Variants in CLYBL observed in about 807,000 individuals in gnomAD.
The protein encoded by CLYBL is citramalyl-CoA lyase, mitochondrial.
Under a neutral mutation model 38.9 loss-of-function variants are expected in CLYBL, and 31 were observed. The observed-to-expected ratio is 0.80, with a 90% CI of 0.60 to 1.08. The LOEUF is 1.08. Ranked by LOEUF, CLYBL falls within the 50% of genes least tolerant of loss-of-function variation. The probability of loss-of-function intolerance (pLI) is 0.00; values close to 1 mark genes in which losing one functional copy is unlikely to be tolerated. For synonymous variants in CLYBL, 171 were observed against 158.6 expected (o/e 1.08, Z -0.59); for missense variants, 434 against 411.6 (o/e 1.05, Z -0.47).
intron 1 of CLYBL, among the ~76,000 whole-genome samples, chr13:99,619,628 C>A (rs1488251743): frequency 6.6e-6 from 1 of 152,172 alleles, no homozygotes; most frequent in Non-Finnish European, 1.5e-5. Context: ...ACTAACTCTG[C>A]TATAGGCAGG....
At chr13:99,871,990 CAAAAAA>C (rs113487766) in intron 7 of CLYBL, among the ~76,000 whole-genome samples, 3,367 of 119,402 alleles carry the variant, frequency 0.028, 105 homozygotes, top group African/African-American at 0.08. Context: ...TTCCCCCCTG[CAAAAAA>C]AAAAAAAAAA....
At chr13:99,671,736 C>T (rs556818448) in intron 1 of CLYBL, among the ~76,000 whole-genome samples, 14 of 151,226 alleles carry the variant, frequency 9.3e-5, no homozygotes, top group South Asian at 2.1e-4. Flanking sequence ...GCCAAGATCA[C>T]GCCACTGTAC....
chr13:99,626,348 G>T (rs1218539950), intron 1 of CLYBL, among the ~76,000 whole-genome samples: 1 of 152,218 alleles, frequency 6.6e-6, no homozygotes, highest in Non-Finnish European at 1.5e-5. Flanking sequence ...GGAGGTTGAG[G>T]CCAGACTGTG....
intron 1 of CLYBL, among the ~76,000 whole-genome samples, chr13:99,764,117 G>A (rs60823434): frequency 2.3e-4 from 32 of 138,712 alleles, no homozygotes; most frequent in Non-Finnish European, 3.5e-4. Flanking sequence ...GTCACAGCTC[G>A]GTGCAGTCAC....
At chr13:99,893,354 T>C (rs575455544), downstream of CLYBL, 1 of 152,410 alleles carries the variant, frequency 6.6e-6, no homozygotes, top group East Asian at 1.9e-4. Flanking sequence ...GCACACCAGG[T>C]AACCCAGGAC....
rs113045016 is a variant in CLYBL at position 99,637,329 on chromosome 13, A to G, written c.62+30572A>G. ...TGTTGAAAATTCTCCATGAAAACCC[A>G]TCTCTGGAGGTGTATCAATCAGTGT... On this transcript the variant is annotated intron_variant, in intron 1 of 8. Transcript: ENST00000339105. Among the ~76,000 whole-genome samples, 530 of 152,294 alleles carry G rather than the reference A, an allele frequency of 3.5e-3. 5 individuals carry two copies. Among genetic ancestry groups the G allele is most frequent in the African/African-American group, 0.011 (476 of 41,562 alleles).
intron 1 of CLYBL, among the ~76,000 whole-genome samples, chr13:99,662,581 T>C (rs1594107315): frequency 2.4e-5 from 2 of 83,688 alleles, no homozygotes; most frequent in South Asian, 6.4e-4. Context: ...AGAGGAACCC[T>C]TTTTTTTTAT....
At chr13:99,696,509 C>T (rs948679328) in intron 1 of CLYBL, among the ~76,000 whole-genome samples, 1 of 152,094 alleles carries the variant, frequency 6.6e-6, no homozygotes, top group Non-Finnish European at 1.5e-5. Flanking sequence ...AGCCACTGCA[C>T]GTGTCCTGTA....
At chr13:99,788,748 A>G (rs1024542333) in intron 2 of CLYBL, among the ~76,000 whole-genome samples, 4 of 152,092 alleles carry the variant, frequency 2.6e-5, no homozygotes, top group African/African-American at 4.8e-5. Context: ...CTCTTTTTCT[A>G]TTGATTGGAA....
Position 99,652,309 on chromosome 13 carries a change from T to G in CLYBL, c.62+45552T>G, listed in dbSNP as rs553392161. Among the ~76,000 whole-genome samples, 24 of 152,334 alleles carry G rather than the reference T, an allele frequency of 1.6e-4. No homozygotes were observed. The South Asian group carries it at 4.8e-3, about 30-fold the overall frequency. On this transcript the variant is annotated intron_variant, in intron 1 of 8. Coordinates refer to ENST00000339105, the MANE Select transcript of CLYBL (RefSeq NM_206808.5). ...TTTGGGATAGTCAACAGCCAGTGAC[T>G]GTTCACCACAGGACTAAACCTTCCA...
chr13:99,606,956 C>T (rs912659), intron 1 of CLYBL, among the ~76,000 whole-genome samples, 199 bp downstream of exon 1: 118,466 of 152,098 alleles, frequency 0.78, 46,793 homozygotes, highest in East Asian at 0.93. Flanking sequence ...GGAGGGCCCT[C>T]GTTGCACCCG....
chr13:99,769,538 A>G (rs1033014269), intron 1 of CLYBL, among the ~76,000 whole-genome samples: 5 of 152,240 alleles, frequency 3.3e-5, no homozygotes, highest in African/African-American at 1.2e-4. Context: ...AGTGTGAATG[A>G]TAAGTAAAAT....
chr13:99,757,545 TC>T (rs1227823140), intron 1 of CLYBL, among the ~76,000 whole-genome samples: 1 of 152,196 alleles, frequency 6.6e-6, no homozygotes, highest in African/African-American at 2.4e-5. Context: ...AACTTCCGCC[TC>T]TTGGGTTCAA....
intron 1 of CLYBL, among the ~76,000 whole-genome samples, chr13:99,748,186 C>T (rs1233633449): frequency 8.5e-5 from 13 of 152,106 alleles, no homozygotes; most frequent in Admixed American, 4.6e-4. Flanking sequence ...TCGAGACCAG[C>T]GTGGCCAACA....
intron 8 of CLYBL, 52 bp downstream of exon 8, chr13:99,891,489 A>G (rs1158743998): frequency 9.8e-7 from 1 of 1,023,026 alleles, no homozygotes; most frequent in Non-Finnish European, 1.5e-6. Flanking sequence ...CAATACTCAA[A>G]GCAACTTGTT....
chr13:99,808,446 C>T (rs369808966), intron 2 of CLYBL, among the ~76,000 whole-genome samples: 3 of 151,760 alleles, frequency 2.0e-5, no homozygotes, highest in East Asian at 3.9e-4. Context: ...GATATCTGGC[C>T]CATAAGCAAC....
chr13:99,675,028 T>C (rs1311654428), intron 1 of CLYBL, among the ~76,000 whole-genome samples: 1 of 152,106 alleles, frequency 6.6e-6, no homozygotes, highest in East Asian at 1.9e-4. Flanking sequence ...CTGGGCAACA[T>C]AGCCAGACCA....
rs1038680500 is a variant in CLYBL, at chr13:99,865,023, C to T, written c.634+112C>T. On this transcript the variant is annotated intron_variant, in intron 5 of 8. Transcript: ENST00000339105. The surrounding 1 kb of genome is among the most constrained non-coding windows in gnomAD (Gnocchi z 4.7). ...CATTTACATAACAATGTATATTTGC[C>T]AACCATGACAATGGTTTTTCATGAC... The T allele has an allele frequency of 1.3e-6, 1 of 796,624 alleles. No homozygotes were observed. Among genetic ancestry groups the T allele is most frequent in the South Asian group, 1.4e-5 (1 of 71,310 alleles). The allele number at this position is 796,624 out of a possible 1,614,324, so 49.3% of individuals were successfully genotyped here. A position where few individuals can be genotyped will look rare whatever the true frequency, so the allele number is the denominator to read the frequency against.
chr13:99,800,891 C>CAAA (rs1326548125), intron 2 of CLYBL, among the ~76,000 whole-genome samples: 1 of 123,016 alleles, frequency 8.1e-6, no homozygotes, highest in African/African-American at 3.3e-5. Flanking sequence ...AAAACAACAA[C>CAAA]AACAAAAAAA....
Sources: allele counts gnomAD v4.1 joint callset (sites outside exome capture counted in the v4.1 genomes callset), GRCh38; gene constraint gnomAD v4.1.1; non-coding constraint Gnocchi (gnomAD v3.1); transcripts MANE v1.5; gene names NCBI Gene and HGNC (gene_info 2026-07-23, HGNC 2026-07-21).